The following DPP6 variants were observed in gnomAD, a reference collection of about 807,000 sequenced individuals.
The protein encoded by DPP6 is dipeptidyl peptidase like 6.
A neutral mutation model predicts 122.6 loss-of-function variants in DPP6; 69 were observed. The ratio of observed to expected loss-of-function variants is 0.56; its 90% CI spans 0.46 to 0.69. DPP6 has a LOEUF of 0.69. Ranked by LOEUF, DPP6 falls within the 30% of genes least tolerant of loss-of-function variation. The probability of loss-of-function intolerance (pLI) is 0.00; values close to 1 mark genes in which losing one functional copy is unlikely to be tolerated. For missense variants in DPP6, 928 were observed against 1,116.9 expected (o/e 0.83, Z 2.41); for synonymous variants, 418 against 433.1 (o/e 0.97, Z 0.43).
At chr7:153,984,170 TG>T (rs1273221526) in intron 1 of DPP6, among the ~76,000 whole-genome samples, 2 of 152,056 alleles carry the variant, frequency 1.3e-5, no homozygotes, top group Admixed American at 1.3e-4. Context: ...AGCAAATTTG[TG>T]GGTATCCCAG....
chr7:154,280,938 G>A lies in DPP6; in HGVS notation c.244-165276G>A, dbSNP rs948274318. Among the ~76,000 whole-genome samples, 8 of 152,146 alleles carry A rather than the reference G, an allele frequency of 5.3e-5. 1 individual carries two copies. Among genetic ancestry groups the A allele is most frequent in the Admixed American group, 5.2e-4 (8 of 15,278 alleles). ...ACTTGATGAAAGCTGGTAAGTGGTA[G>A]AGATATATAACTGTTAAGTAACAAG... On this transcript the variant is annotated intron_variant, in intron 1 of 25. Transcript: ENST00000377770.
chr7:154,357,160 G>C (rs1389210275), intron 1 of DPP6, among the ~76,000 whole-genome samples: 1 of 151,836 alleles, frequency 6.6e-6, no homozygotes, highest in Non-Finnish European at 1.5e-5. Flanking sequence ...AGAGGTTAAA[G>C]TAAAAAGAAA....
chr7:153,786,740 G>GGAAAAAAA, the DPP6 span, among the ~76,000 whole-genome samples: 298 of 31,792 alleles, frequency 9.4e-3, 2 homozygotes, highest in African/African-American at 0.028. Flanking sequence ...CTCCGTCTCA[G>GGAAAAAAA]AAAAAAAAAA....
chr7:154,313,515 TG>T (rs1432139282), intron 1 of DPP6, among the ~76,000 whole-genome samples: 1 of 150,876 alleles, frequency 6.6e-6, no homozygotes, highest in East Asian at 2.0e-4. Context: ...ACCAGAGGAG[TG>T]ACTTGGACAT....
Position 154,243,532 on chromosome 7 carries a change from G to A in DPP6, c.243+190469G>A, listed in dbSNP as rs191535309. Reference sequence around the variant, plus strand: ...AGAAGAGGCCGGGGCACAGTGGCTCGTGCCTGTAATCCCAGCACTTTGGGA... The same window carrying A: ...AGAAGAGGCCGGGGCACAGTGGCTCATGCCTGTAATCCCAGCACTTTGGGA... On this transcript the variant is annotated intron_variant, in intron 1 of 25. Transcript: ENST00000377770. Among the ~76,000 whole-genome samples, 335 of 152,074 alleles carry A rather than the reference G, an allele frequency of 2.2e-3. 2 individuals carry two copies. The highest frequency in any genetic ancestry group is 7.7e-3 in the African/African-American group (318 of 41,518).
At chr7:154,515,849 A>C (rs1233385804) in intron 3 of DPP6, among the ~76,000 whole-genome samples, 4 of 152,208 alleles carry the variant, frequency 2.6e-5, no homozygotes, top group African/African-American at 9.6e-5. Context: ...AAGTTCCCAC[A>C]GTGCACGGAG....
intron 16 of DPP6, among the ~76,000 whole-genome samples, chr7:154,813,764 A>AAGC (rs1307145638): frequency 6.6e-6 from 1 of 152,078 alleles, no homozygotes; most frequent in Non-Finnish European, 1.5e-5. Flanking sequence ...AGAATATACC[A>AAGC]AGCAGCTTTT....
intron 2 of DPP6, among the ~76,000 whole-genome samples, chr7:154,456,569 C>T (rs76604253): frequency 1.3e-5 from 2 of 151,590 alleles, no homozygotes; most frequent in African/African-American, 2.4e-5. Flanking sequence ...AATGCGCCCC[C>T]CCCACCAAAA....
chr7:154,245,277 G>C (rs115602348), intron 1 of DPP6, among the ~76,000 whole-genome samples: 239 of 152,028 alleles, frequency 1.6e-3, no homozygotes, highest in African/African-American at 5.5e-3. Flanking sequence ...TTTAAATACA[G>C]AGACACAGAT....
chr7:154,784,402 A>T (rs569234211), intron 10 of DPP6, among the ~76,000 whole-genome samples: 2 of 152,340 alleles, frequency 1.3e-5, no homozygotes, highest in East Asian at 3.9e-4. Context: ...AAGCCCGCAG[A>T]GAGCTCAGCA....
At chr7:154,556,394 G>A (rs890043576) in intron 4 of DPP6, among the ~76,000 whole-genome samples, 1 of 152,114 alleles carries the variant, frequency 6.6e-6, no homozygotes, top group Admixed American at 6.6e-5. Context: ...AAAAACTGGA[G>A]AATTTGAAAG....
chr7:154,025,033 G>T (rs1416670538), intron 1 of DPP6, among the ~76,000 whole-genome samples: 1 of 152,292 alleles, frequency 6.6e-6, no homozygotes, highest in African/African-American at 2.4e-5. Context: ...TGTCCAAAAG[G>T]CCTGATTTTT....
chr7:154,123,592 G>A (rs567012385), intron 1 of DPP6, among the ~76,000 whole-genome samples: 2 of 152,288 alleles, frequency 1.3e-5, no homozygotes, highest in East Asian at 1.9e-4. Context: ...AGAGTGACCC[G>A]TGTGCTCCTT....
intron 1 of DPP6, among the ~76,000 whole-genome samples, chr7:153,928,329 A>G (rs1209884755): frequency 6.8e-6 from 1 of 148,066 alleles, no homozygotes; most frequent in Non-Finnish European, 1.5e-5. Context: ...CTCCTGCCTT[A>G]GCCTCCCAAG....
At chr7:154,179,606 G>T (rs1008119897) in intron 1 of DPP6, among the ~76,000 whole-genome samples, 6 of 152,176 alleles carry the variant, frequency 3.9e-5, no homozygotes, top group African/African-American at 1.4e-4. Context: ...AATGGCTGTT[G>T]CTTCCTTTTC....
chr7:153,949,573 A>C (rs1802110428), intron 1 of DPP6, among the ~76,000 whole-genome samples: 1 of 152,160 alleles, frequency 6.6e-6, no homozygotes, highest in African/African-American at 2.4e-5. Flanking sequence ...GGGAATCATG[A>C]ACTTGTTTTG....
chr7:154,015,205 G>A lies in DPP6; in HGVS notation c.51+127471G>A, dbSNP rs535131817. 3.3e-5 allele frequency among the ~76,000 whole-genome samples: 5 copies of A among 152,056 alleles called. No homozygotes were observed. In the East Asian group the frequency reaches 9.8e-4, roughly 30 times the overall value. ...CTTTTCAGCCACGTTTGATGTAGCT[G>A]ACTTCCATCTCGAAACACTCTCTTC... On this transcript the variant is annotated intron_variant, in intron 1 of 25. Transcript: ENST00000404039.
At chr7:153,759,202 CAT>C in the DPP6 span, among the ~76,000 whole-genome samples, 1 of 151,872 alleles carries the variant, frequency 6.6e-6, no homozygotes, top group Non-Finnish European at 1.5e-5. Context: ...AAATCCCTGA[CAT>C]ATTTTTGATT....
the DPP6 span, among the ~76,000 whole-genome samples, chr7:153,774,305 A>ACTCCTTTTC: frequency 6.6e-6 from 1 of 152,184 alleles, no homozygotes; most frequent in South Asian, 2.1e-4. Context: ...TTTCACCGGA[A>ACTCCTTTTC]GGTACAATAC....
Sources: allele counts gnomAD v4.1 joint callset (sites outside exome capture counted in the v4.1 genomes callset), GRCh38; gene constraint gnomAD v4.1.1; transcripts MANE v1.5; gene names NCBI Gene and HGNC (gene_info 2026-07-23, HGNC 2026-07-21).